SUGCT: variants seen among roughly 807,000 people sequenced by gnomAD.
SUGCT encodes the protein succinyl-CoA:glutarate-CoA transferase, also known as succinyl-CoA:glutarate CoA-transferase.
A neutral mutation model predicts 55.0 loss-of-function variants in SUGCT; 41 were observed. That is an observed-to-expected ratio of 0.74 (90% CI 0.58 to 0.97). SUGCT has a LOEUF of 0.97. Ranked by LOEUF, SUGCT falls within the 50% of genes least tolerant of loss-of-function variation. SUGCT has a pLI of 0.00. For missense variants in SUGCT, 568 were observed against 547.8 expected, an observed-to-expected ratio of 1.04 and a Z score of -0.37; for synonymous variants, 187 against 200.4, an observed-to-expected ratio of 0.93 and a Z score of 0.56.
intron 12 of SUGCT, among the ~76,000 whole-genome samples, chr7:40,712,709 T>A (rs574151232): frequency 6.6e-6 from 1 of 152,370 alleles, no homozygotes; most frequent in African/African-American, 2.4e-5. Flanking sequence ...CCTCTGAATA[T>A]ACCTCAGAAG....
rs576011747 is a variant in SUGCT at position 40,177,105 on chromosome 7, A to G, written c.101-3842A>G. Among the ~76,000 whole-genome samples, 13 of 152,276 alleles carry G rather than the reference A, an allele frequency of 8.5e-5. No individual in the cohort carries two copies. The South Asian group carries it at 2.3e-3, about 27-fold the overall frequency. ...TATTATATTGTTTCATCAAACTAAAATCTGGCCTAAGAAAGCCTCCATACT... is the reference window on the plus strand; with the variant it reads ...TATTATATTGTTTCATCAAACTAAAGTCTGGCCTAAGAAAGCCTCCATACT... On this transcript the variant is annotated intron_variant, in intron 1 of 13. Transcript: ENST00000335693.
chr7:40,674,141 T>G (rs1022987918), intron 12 of SUGCT, among the ~76,000 whole-genome samples: 1 of 152,232 alleles, frequency 6.6e-6, no homozygotes, highest in African/African-American at 2.4e-5. Context: ...AAGAACAGGT[T>G]TGTTATTGTT....
At chr7:40,998,068 G>A in the SUGCT span, among the ~76,000 whole-genome samples, 2 of 152,046 alleles carry the variant, frequency 1.3e-5, no homozygotes, top group Admixed American at 6.5e-5. Flanking sequence ...ACTTAATTCC[G>A]GAATGATTTT....
At chr7:40,152,108 G>A (rs1291653101) in intron 1 of SUGCT, among the ~76,000 whole-genome samples, 3 of 152,212 alleles carry the variant, frequency 2.0e-5, no homozygotes, top group Non-Finnish European at 4.4e-5. Context: ...TTATCCCTAA[G>A]AGCAACTGGG....
chr7:40,566,263 A>C (rs1796147567), intron 12 of SUGCT, among the ~76,000 whole-genome samples: 1 of 125,456 alleles, frequency 8.0e-6, no homozygotes, highest in African/African-American at 3.0e-5. Context: ...AGATACTATT[A>C]GTATTAGATC....
intron 9 of SUGCT, among the ~76,000 whole-genome samples, chr7:40,381,791 A>G (rs1349698060): frequency 6.6e-6 from 1 of 152,172 alleles, no homozygotes; most frequent in Non-Finnish European, 1.5e-5. Context: ...ATGAAACCAA[A>G]TAACTATATG....
At chr7:40,698,613 T>A (rs560733783) in intron 12 of SUGCT, among the ~76,000 whole-genome samples, 2 of 152,322 alleles carry the variant, frequency 1.3e-5, no homozygotes, top group East Asian at 3.9e-4. Flanking sequence ...ATAGCTTACT[T>A]TTTTCTTTTG....
At chr7:40,347,665 C>T (rs1050217174) in intron 9 of SUGCT, among the ~76,000 whole-genome samples, 1 of 152,136 alleles carries the variant, frequency 6.6e-6, no homozygotes, top group African/African-American at 2.4e-5. Context: ...TATTTCCAAC[C>T]TCTAGTTTAT....
intron 13 of SUGCT, among the ~76,000 whole-genome samples, chr7:40,818,294 G>T (rs1161496248): frequency 6.6e-6 from 1 of 152,180 alleles, no homozygotes; most frequent in Non-Finnish European, 1.5e-5. Flanking sequence ...CTCTAGACCA[G>T]CTCTTTCAAG....
chr7:40,989,347 A>C, the SUGCT span, among the ~76,000 whole-genome samples: 2 of 152,194 alleles, frequency 1.3e-5, no homozygotes, highest in African/African-American at 4.8e-5. Flanking sequence ...TACTATTCTA[A>C]ATCATTTTTG....
At chr7:41,009,678 G>A in the SUGCT span, among the ~76,000 whole-genome samples, 12 of 141,302 alleles carry the variant, frequency 8.5e-5, no homozygotes, top group African/African-American at 2.4e-4. Context: ...CCATCCATCC[G>A]TCCTTCCATC....
At chr7:40,613,351 G>A (rs1394294727) in intron 12 of SUGCT, among the ~76,000 whole-genome samples, 2 of 152,064 alleles carry the variant, frequency 1.3e-5, no homozygotes, top group Non-Finnish European at 2.9e-5. Context: ...CATTTGTTTC[G>A]GGCACTCAGA....
chr7:40,787,569 G>T (rs994693689), intron 13 of SUGCT, among the ~76,000 whole-genome samples: 2 of 142,098 alleles, frequency 1.4e-5, no homozygotes, highest in Non-Finnish European at 1.5e-5. Flanking sequence ...GGGATCTAAG[G>T]ATCAACATGA....
chr7:40,274,681 A>G, intron 8 of SUGCT, 25 bp downstream of exon 8: 1 of 1,605,334 alleles, frequency 6.2e-7, no homozygotes, highest in Non-Finnish European at 8.5e-7. Flanking sequence ...AACATTTCAG[A>G]TAATGTTATA....
In SUGCT at chr7:40,227,842, CTTTAT is replaced by C. The variant is rs371220578; in HGVS notation, c.485-9785_485-9781del. Reference sequence around the variant, plus strand: ...ACATAAGTAAAAATAATCATAATTCCTTTATTTTATTTATTTGTTATTTATTTATT... The same window carrying C: ...ACATAAGTAAAAATAATCATAATTCCTTTATTTATTTGTTATTTATTTATT... On this transcript the variant is annotated intron_variant, in intron 6 of 13. Transcript: ENST00000335693. Among the ~76,000 whole-genome samples, 107 of 150,816 alleles carry C rather than the reference CTTTAT, an allele frequency of 7.1e-4. 2 individuals carry two copies. The South Asian group carries it at 0.02, about 28-fold the overall frequency.
intron 1 of SUGCT, among the ~76,000 whole-genome samples, chr7:40,135,782 G>A (rs1389434933): frequency 1.3e-5 from 2 of 151,192 alleles, no homozygotes; most frequent in African/African-American, 4.9e-5. Context: ...TCAGCCTTCC[G>A]AGTAGCTGGG....
At position 40,389,442 on chromosome 7, in the gene SUGCT, A is replaced by AAAACAAACAAACAAACAAAC. The variant is rs67574547; in HGVS notation, c.817-59834_817-59815dup. ...ACTCTAGCCTGGGCACGCCTGTCTC[A>AAAACAAACAAACAAACAAAC]AAACAAACAAACAAACAAACAAACA... On this transcript the variant is annotated intron_variant, in intron 9 of 13. Transcript: ENST00000335693. Among the ~76,000 whole-genome samples the AAAACAAACAAACAAACAAAC allele has an allele frequency of 8.4e-4, 90 of 107,328 alleles. 1 individual carries two copies. Among genetic ancestry groups the AAAACAAACAAACAAACAAAC allele is most frequent in the Middle Eastern group, 5.1e-3 (1 of 198 alleles). The allele number at this position is 107,328 out of a possible 152,430, so 70.4% of individuals were successfully genotyped here.
intron 6 of SUGCT, among the ~76,000 whole-genome samples, chr7:40,210,860 T>A (rs1475157650): frequency 1.3e-5 from 2 of 152,010 alleles, no homozygotes; most frequent in East Asian, 3.9e-4. Context: ...GATTGGAAGG[T>A]AGGGTGGAGC....
intron 11 of SUGCT, among the ~76,000 whole-genome samples, chr7:40,479,874 A>G (rs1790926437): frequency 2.0e-5 from 3 of 151,958 alleles, no homozygotes; most frequent in Admixed American, 2.0e-4. Flanking sequence ...TTATTTATTT[A>G]TATTTGCTAT....
Sources: gnomAD v4.1 joint callset for allele counts (sites outside exome capture counted in the v4.1 genomes callset) on GRCh38, gnomAD v4.1.1 for gene constraint, MANE v1.5 for transcripts, NCBI Gene and HGNC (gene_info 2026-07-23, HGNC 2026-07-21) for gene names.